DENND6B: variants seen among roughly 807,000 people sequenced by gnomAD.
DENND6B encodes protein DENND6B.
A neutral mutation model predicts 85.1 loss-of-function variants in DENND6B; 73 were observed. The ratio of observed to expected loss-of-function variants is 0.86; its 90% CI spans 0.71 to 1.04. The LOEUF is 1.04. Ranked by LOEUF, DENND6B falls within the 50% of genes least tolerant of loss-of-function variation. The pLI is 0.00. For synonymous variants in DENND6B, 357 were observed against 329.3 expected (o/e 1.08, Z -0.91); for missense variants, 715 against 785.8 (o/e 0.91, Z 1.08).
intron 16 of DENND6B, 61 bp from the exon 17 acceptor site, chr22:50,313,169 C>A (rs564630730): frequency 2.1e-6 from 3 of 1,461,840 alleles, no homozygotes; most frequent in Non-Finnish European, 2.8e-6. Context: ...GCACCCGGTA[C>A]GCTTCCCAGA....
rs1406600939 is a variant in DENND6B at position 50,313,474 on chromosome 22, G to C, written c.1319C>G (p.Pro440Arg). Residue 440 changes from proline to arginine, a missense_variant, in exon 16 of 20, where the codon CCC (proline) becomes CGC (arginine). By Grantham distance (103) the Pro-to-Arg change is moderately radical. Coordinates refer to ENST00000413817, the MANE Select transcript of DENND6B (RefSeq NM_001001794.4). ...CCAGGGCGTGATGCTCTTCTGCAGG[G>C]GCATGAGGCTGGCCATGTAGTGCTC... Reference protein sequence around the residue: ...PLEHYMASLMPLQKSITPWKT... With the variant: ...PLEHYMASLMRLQKSITPWKT... 31 of 1,552,910 alleles carry C rather than the reference G, an allele frequency of 2.0e-5. No homozygotes were observed. Among genetic ancestry groups the C allele is most frequent in the Non-Finnish European group, 2.7e-5 (31 of 1,149,198 alleles).
At chr22:50,317,120 G>A (rs1448243759) in intron 5 of DENND6B, 173 bp downstream of exon 5, 25 of 507,048 alleles carry the variant, frequency 4.9e-5, no homozygotes, top group South Asian at 9.4e-5. Context: ...GGTGGGGGGC[G>A]GCGAGGACAG....
rs1194546596 is a variant in DENND6B at position 50,318,030 on chromosome 22, G to A, written c.260-10C>T. On this transcript the variant is annotated splice_polypyrimidine_tract_variant and intron_variant, in intron 3 of 19. Coordinates refer to ENST00000413817, the MANE Select transcript of DENND6B (RefSeq NM_001001794.4). The stretch of plus-strand genomic sequence containing the variant: ...GTGTCTCCAAGGCAGCCTAAGAAGG[G>A]GCAGCCCCACCACACGGGTCAAGGC... The A allele has an allele frequency of 1.2e-6, 2 of 1,611,614 alleles. No homozygotes were observed. Among genetic ancestry groups the A allele is most frequent in the Admixed American group, 1.7e-5 (1 of 59,980 alleles).
chr22:50,319,342 C>T (rs1412906214), intron 1 of DENND6B: 12 of 985,388 alleles, frequency 1.2e-5, no homozygotes, highest in Non-Finnish European at 1.3e-5. Flanking sequence ...TCTCTACTCC[C>T]ACCTCCCCAG....
chr22:50,312,258 G>A lies in DENND6B; in HGVS notation c.1639C>T (p.Arg547Trp), dbSNP rs761717266. Residue 547 changes from arginine to tryptophan, a missense_variant, in exon 20 of 20, where the codon CGG becomes TGG. Physicochemically the swap from Arg to Trp is moderately radical, Grantham distance 101. Transcript: ENST00000413817. Reference protein sequence around the residue: ...LVLKLREKLVRAQGHQLPVKE... With the variant: ...LVLKLREKLVWAQGHQLPVKE... Reference sequence around the variant, plus strand: ...ACAGGGAGCTGGTGGCCCTGAGCCCGCACCTGGAGGGGCAGCCATGGTCAG... The same window carrying A: ...ACAGGGAGCTGGTGGCCCTGAGCCCACACCTGGAGGGGCAGCCATGGTCAG... 20 of 1,611,830 alleles carry A rather than the reference G, an allele frequency of 1.2e-5. No homozygotes were observed. Among genetic ancestry groups the A allele is most frequent in the Non-Finnish European group, 1.4e-5 (17 of 1,179,562 alleles).
At chr22:50,312,453 C>T in intron 18 of DENND6B, 36 bp from the exon 19 acceptor site, 1 of 1,594,772 alleles carries the variant, frequency 6.3e-7, no homozygotes, top group African/African-American at 1.3e-5. Flanking sequence ...TCAGCAAGGC[C>T]CCTCACTGCC....
At chr22:50,324,196 AAGC>A (rs1222007915) in intron 1 of DENND6B, among the ~76,000 whole-genome samples, 1 of 152,022 alleles carries the variant, frequency 6.6e-6, no homozygotes, top group Non-Finnish European at 1.5e-5. Context: ...CTCATCTCTC[AAGC>A]AGGCTGCACT....
At chr22:50,322,849 C>A (rs1222895694) in intron 1 of DENND6B, among the ~76,000 whole-genome samples, 1 of 130,902 alleles carries the variant, frequency 7.6e-6, no homozygotes, top group Admixed American at 8.1e-5. Context: ...CGTGCCCAGC[C>A]TTATTTTTTT....
Position 50,313,110 on chromosome 22 carries a change from T to C in DENND6B, c.1348-2A>G. The C allele has an allele frequency of 1.3e-6, 2 of 1,552,292 alleles. No homozygotes were observed. The highest frequency in any genetic ancestry group is 1.7e-6 in the Non-Finnish European group (2 of 1,148,024). ...GAAGGGCTGGATCTGGGGGGGAGTCTGAGAGGGGATGGGTGAGCCAGCACG... is the reference window on the plus strand; with the variant it reads ...GAAGGGCTGGATCTGGGGGGGAGTCCGAGAGGGGATGGGTGAGCCAGCACG... On this transcript the variant is annotated splice_acceptor_variant, in intron 16 of 19. Coordinates refer to ENST00000413817, the MANE Select transcript of DENND6B (RefSeq NM_001001794.4). LOFTEE classifies it high-confidence loss of function.
At chr22:50,322,260 G>C (rs559802644) in intron 1 of DENND6B, among the ~76,000 whole-genome samples, 12 of 152,216 alleles carry the variant, frequency 7.9e-5, no homozygotes, top group Admixed American at 7.2e-4. Context: ...ATTTTTAGTA[G>C]AGATGGGGTT....
intron 1 of DENND6B, among the ~76,000 whole-genome samples, chr22:50,322,077 A>C (rs2042062531): frequency 9.7e-6 from 1 of 102,982 alleles, no homozygotes; most frequent in Non-Finnish European, 2.2e-5. Flanking sequence ...GGTCCTCAAT[A>C]ATTTTTTTTT....
At chr22:50,319,194 TTC>T in intron 1 of DENND6B, 191 bp from the exon 2 acceptor site, 2 of 1,499,948 alleles carry the variant, frequency 1.3e-6, no homozygotes, top group Non-Finnish European at 1.8e-6. Flanking sequence ...CCACACCATA[TTC>T]TCTGTGTTCC....
chr22:50,312,378 C>A lies in DENND6B; in HGVS notation c.1600G>T (p.Val534Phe). 1.2e-6 allele frequency: 2 copies of A among 1,611,914 alleles called. No individual in the cohort carries two copies. The highest frequency in any genetic ancestry group is 1.7e-6 in the Non-Finnish European group (2 of 1,179,452). The change falls in exon 19 of 20, where the codon GTC becomes TTC. Residue 534 changes from valine (V) to phenylalanine (F), a missense_variant. Physicochemically the swap from Val to Phe is conservative, Grantham distance 50. Coordinates refer to ENST00000413817, the MANE Select transcript of DENND6B (RefSeq NM_001001794.4). Reference sequence around the variant, plus strand: ...CGAAGTTTCAGGACCAGGTCCACGACCTCCACCTCGGACTTGTCTTTCATC... The same window carrying A: ...CGAAGTTTCAGGACCAGGTCCACGAACTCCACCTCGGACTTGTCTTTCATC... ...TWMKDKSEVE[V>F]VDLVLKLREK...
At chr22:50,322,580 C>T (rs1273823789) in intron 1 of DENND6B, among the ~76,000 whole-genome samples, 1 of 151,644 alleles carries the variant, frequency 6.6e-6, no homozygotes, top group Non-Finnish European at 1.5e-5. Context: ...GACAGAGTCT[C>T]ACTCTGTCAC....
chr22:50,314,531 G>C, intron 11 of DENND6B, 37 bp from the exon 12 acceptor site: 7 of 1,553,832 alleles, frequency 4.5e-6, no homozygotes, highest in Non-Finnish European at 6.1e-6. Flanking sequence ...CAGAGACAGA[G>C]GTCCAGGGAG....
intron 1 of DENND6B, among the ~76,000 whole-genome samples, chr22:50,325,266 T>G (rs2042159026): frequency 6.6e-6 from 1 of 151,298 alleles, no homozygotes; most frequent in Non-Finnish European, 1.5e-5. Flanking sequence ...CTTCAACAGC[T>G]CAGAAATAAC....
intron 8 of DENND6B, 27 bp from the exon 9 acceptor site, chr22:50,315,796 G>T: frequency 6.6e-7 from 1 of 1,504,950 alleles, no homozygotes; most frequent in African/African-American, 1.4e-5. Context: ...GAAGGTCAGG[G>T]CCAAGGGGAG....
At chr22:50,313,901 G>GC in intron 13 of DENND6B, 23 bp from the exon 14 acceptor site, 1 of 1,595,974 alleles carries the variant, frequency 6.3e-7, no homozygotes, top group Non-Finnish European at 8.5e-7. Flanking sequence ...CACAGCTGGC[G>GC]CCCCACCCTT....
Position 50,326,495 on chromosome 22 carries a change from G to A in DENND6B, c.177+317C>T, listed in dbSNP as rs529007505. On this transcript the variant is annotated intron_variant, in intron 1 of 19. Transcript: ENST00000413817. ...GGGACTCTGGCGGGAGCCACTGAGG[G>A]GATGAAGGTGTCACTGCTCCGGTGG... 9.8e-4 allele frequency among the ~76,000 whole-genome samples: 149 copies of A among 152,348 alleles called. 1 individual carries two copies. The highest frequency in any genetic ancestry group is 1.1e-3 in the Non-Finnish European group (72 of 68,030).
Sources: allele counts gnomAD v4.1 joint callset (sites outside exome capture counted in the v4.1 genomes callset), GRCh38; gene constraint gnomAD v4.1.1; transcripts MANE v1.5; gene names NCBI Gene and HGNC (gene_info 2026-07-23, HGNC 2026-07-21).